Variants in NLGN1 observed in about 807,000 individuals in gnomAD.
The protein encoded by NLGN1 is neuroligin-1.
In NLGN1, 12 loss-of-function variants were observed where a neutral mutation model predicts 65.5. The observed-to-expected ratio is 0.18, with a 90% CI of 0.12 to 0.30. The LOEUF is 0.30. Ranked by LOEUF, NLGN1 falls within the 10% of genes least tolerant of loss-of-function variation. The pLI is 1.00. For synonymous variants in NLGN1, 350 were observed against 359.5 expected, an observed-to-expected ratio of 0.97 and a Z score of 0.30; for missense variants, 750 against 1,007.1, an observed-to-expected ratio of 0.74 and a Z score of 3.46.
At chr3:174,248,056 C>T (rs1224723443) in intron 4 of NLGN1, among the ~76,000 whole-genome samples, 1 of 152,190 alleles carries the variant, frequency 6.6e-6, no homozygotes, top group Non-Finnish European at 1.5e-5. Context: ...ATCAGTTTAG[C>T]TTTGGCACTG....
At chr3:173,756,908 C>A (rs1313811380) in intron 3 of NLGN1, among the ~76,000 whole-genome samples, 1 of 151,570 alleles carries the variant, frequency 6.6e-6, no homozygotes, top group Non-Finnish European at 1.5e-5. Flanking sequence ...TTTATACAAA[C>A]ACTTCAAATA....
At chr3:173,807,988 A>G (rs747365332) in intron 4 of NLGN1, among the ~76,000 whole-genome samples, 156 bp downstream of exon 4, 17 of 152,064 alleles carry the variant, frequency 1.1e-4, no homozygotes, top group Non-Finnish European at 2.2e-4. Flanking sequence ...AATGAATTCT[A>G]TAGGTTGGTT....
At position 174,279,050 on chromosome 3, in the gene NLGN1, C is replaced by T. The variant is rs1751116066; in HGVS notation, c.1049C>T (p.Ala350Val). ...CTTGTTGACCAAGATATTCAACCAG[C>T]TCGATACCACATAGCCTTTGGACCT... The change falls in exon 6 of 7, where the codon GCT becomes GTT. Residue 350 changes from alanine to valine, a missense_variant. Coordinates refer to ENST00000457714, the Ensembl canonical transcript of NLGN1. This position sits in a 1 kb window ranked among gnomAD's most constrained non-coding sequence, Gnocchi z 4.7. 1.2e-6 allele frequency: 2 copies of T among 1,611,114 alleles called. No individual in the cohort carries two copies. The highest frequency in any genetic ancestry group is 8.5e-7 in the Non-Finnish European group (1 of 1,178,824).
chr3:174,110,188 A>G (rs975661729), intron 4 of NLGN1, among the ~76,000 whole-genome samples: 4 of 151,970 alleles, frequency 2.6e-5, no homozygotes, highest in Admixed American at 6.6e-5. Context: ...CTCAGTGAAC[A>G]TTTCCCTGAT....
chr3:173,888,521 T>C (rs946313872), intron 4 of NLGN1, among the ~76,000 whole-genome samples: 2 of 152,074 alleles, frequency 1.3e-5, no homozygotes, highest in African/African-American at 4.8e-5. Context: ...AACCTATGGG[T>C]ATGGAACTTG....
intron 4 of NLGN1, among the ~76,000 whole-genome samples, chr3:173,872,055 T>A (rs1731271123): frequency 6.6e-6 from 1 of 151,888 alleles, no homozygotes; most frequent in African/African-American, 2.4e-5. Flanking sequence ...CAGGGCTAGC[T>A]GCAGTGAAGG....
intron 4 of NLGN1, among the ~76,000 whole-genome samples, chr3:174,044,732 C>A (rs1161345514): frequency 6.6e-6 from 1 of 152,118 alleles, no homozygotes; most frequent in African/African-American, 2.4e-5. Context: ...GACTGTGTCC[C>A]CTTCCAAATC....
intron 4 of NLGN1, among the ~76,000 whole-genome samples, chr3:174,061,236 C>T (rs1737353385): frequency 6.6e-6 from 1 of 152,096 alleles, no homozygotes; most frequent in Non-Finnish European, 1.5e-5. Flanking sequence ...ATTGTGCTTG[C>T]TGCAGAAGTT....
chr3:173,789,800 A>G (rs1712239665), intron 3 of NLGN1: 5 of 476,528 alleles, frequency 1.0e-5, no homozygotes, highest in South Asian at 6.0e-5. Context: ...GCAATAAACT[A>G]AAGTTCAAAT....
intron 3 of NLGN1, among the ~76,000 whole-genome samples, chr3:173,760,439 T>TTTCATACAAGTTTAGAAACCA (rs1170050425): frequency 1.3e-3 from 201 of 152,006 alleles, no homozygotes; most frequent in African/African-American, 4.6e-3. Flanking sequence ...AAACCTGAAG[T>TTTCATACAAGTTTAGAAACCA]GAAGGTGATT....
At chr3:174,161,456 C>T (rs78644125) in intron 4 of NLGN1, among the ~76,000 whole-genome samples, 1 of 151,694 alleles carries the variant, frequency 6.6e-6, no homozygotes, top group African/African-American at 2.4e-5. Flanking sequence ...GTTTAGTTTA[C>T]GTCTTGCTGC....
At chr3:174,086,197 G>GTA (rs1743205323) in intron 4 of NLGN1, among the ~76,000 whole-genome samples, 1 of 50,758 alleles carries the variant, frequency 2.0e-5, no homozygotes. Context: ...GTGTGTGTGT[G>GTA]TGTGTGTGCG....
intron 4 of NLGN1, among the ~76,000 whole-genome samples, chr3:173,877,069 A>C (rs1473803918): frequency 1.3e-5 from 2 of 152,166 alleles, no homozygotes; most frequent in Non-Finnish European, 2.9e-5. Context: ...ATAACAAAGG[A>C]ACAAATAACC....
At chr3:173,564,048 G>A (rs1023951970) in intron 2 of NLGN1, among the ~76,000 whole-genome samples, 36 of 152,178 alleles carry the variant, frequency 2.4e-4, no homozygotes, top group Admixed American at 1.7e-3. Flanking sequence ...TGTCAGTGCC[G>A]TCTCTTGTCT....
At chr3:173,439,220 T>G (rs1718701933) in intron 2 of NLGN1, among the ~76,000 whole-genome samples, 1 of 152,166 alleles carries the variant, frequency 6.6e-6, no homozygotes, top group South Asian at 2.1e-4. Context: ...TAACACCTGT[T>G]CAAGAAGCAC....
chr3:173,724,807 G>T (rs1771485579), intron 3 of NLGN1, among the ~76,000 whole-genome samples: 2 of 152,154 alleles, frequency 1.3e-5, no homozygotes, highest in South Asian at 2.1e-4. Flanking sequence ...TGATAGACTG[G>T]ATTAAGAAAA....
In NLGN1 at chr3:173,739,502, T is replaced by C. The variant is rs182271447; in HGVS notation, c.494-68178T>C. On this transcript the variant is annotated intron_variant, in intron 3 of 6. Coordinates refer to ENST00000457714, the Ensembl canonical transcript of NLGN1. ...GTCAACGGAAGGGGTTTGCTTATAT[T>C]AATTCAGGATTTAATAGCAAGCTAA... Among the ~76,000 whole-genome samples, 460 of 152,204 alleles carry C rather than the reference T, an allele frequency of 3.0e-3. 2 individuals carry two copies. The highest frequency in any genetic ancestry group is 4.2e-3 in the Non-Finnish European group (287 of 67,998).
chr3:174,145,372 G>A (rs143422456), intron 4 of NLGN1, among the ~76,000 whole-genome samples: 1,563 of 152,068 alleles, frequency 0.01, 26 homozygotes, highest in African/African-American at 0.036. Context: ...AATTAGCTGG[G>A]CTTGGTGGCG....
intron 4 of NLGN1, among the ~76,000 whole-genome samples, chr3:174,103,198 T>C (rs560296928): frequency 6.6e-6 from 1 of 152,314 alleles, no homozygotes; most frequent in Non-Finnish European, 1.5e-5. Context: ...AAGTTCCGTG[T>C]GTCACATTCA....
Sources: allele counts gnomAD v4.1 joint callset (sites outside exome capture counted in the v4.1 genomes callset), GRCh38; gene constraint gnomAD v4.1.1; non-coding constraint Gnocchi (gnomAD v3.1); transcripts MANE v1.5; gene names NCBI Gene and HGNC (gene_info 2026-07-23, HGNC 2026-07-21).